The following RBFOX1 variants were observed in gnomAD, a reference collection of about 807,000 sequenced individuals.
RBFOX1 encodes the protein RNA binding fox-1 homolog 1.
In RBFOX1, 8 loss-of-function variants were observed where a neutral mutation model predicts 57.7. The ratio of observed to expected loss-of-function variants is 0.14; its 90% CI spans 0.08 to 0.25. RBFOX1 has a LOEUF of 0.25. RBFOX1 is among the 10% of genes least tolerant of loss of function. The pLI, the probability that RBFOX1 is intolerant of heterozygous loss-of-function variation, is 1.00. For synonymous variants in RBFOX1, 326 were observed against 222.4 expected (o/e 1.47, Z -4.15); for missense variants, 611 against 548.5 (o/e 1.11, Z -1.14).
At chr16:5,281,354 A>G (rs1423819079) in intron 1 of RBFOX1, among the ~76,000 whole-genome samples, 2 of 152,186 alleles carry the variant, frequency 1.3e-5, no homozygotes, top group African/African-American at 4.8e-5. Context: ...CATATGGTCT[A>G]TCCTGGAGAA....
At chr16:5,356,486 G>A (rs182294865) in intron 1 of RBFOX1, among the ~76,000 whole-genome samples, 1 of 152,164 alleles carries the variant, frequency 6.6e-6, no homozygotes, top group Non-Finnish European at 1.5e-5. Context: ...AGGACCATTG[G>A]TTGCTTGTGC....
intron 4 of RBFOX1, among the ~76,000 whole-genome samples, chr16:7,179,757 T>G (rs1179973375): frequency 6.6e-6 from 1 of 152,094 alleles, no homozygotes; most frequent in Non-Finnish European, 1.5e-5. Context: ...TTGTTTGAGA[T>G]GGAGTCTTGC....
intron 2 of RBFOX1, among the ~76,000 whole-genome samples, chr16:6,625,931 C>T (rs1172896900): frequency 6.6e-6 from 1 of 152,148 alleles, no homozygotes; most frequent in Non-Finnish European, 1.5e-5. Context: ...TTTACGTTAT[C>T]AGATAATACT....
At chr16:7,342,174 G>A (rs570822419) in intron 4 of RBFOX1, among the ~76,000 whole-genome samples, 1 of 152,152 alleles carries the variant, frequency 6.6e-6, no homozygotes, top group Admixed American at 6.5e-5. Flanking sequence ...GTTACTCTTG[G>A]TAAGTTGCTT....
At chr16:7,488,014 C>A (rs1017518506) in intron 4 of RBFOX1, among the ~76,000 whole-genome samples, 3 of 152,128 alleles carry the variant, frequency 2.0e-5, no homozygotes, top group Non-Finnish European at 4.4e-5. Flanking sequence ...AGAGGCCGGC[C>A]TTGTGAATGA....
intron 4 of RBFOX1, among the ~76,000 whole-genome samples, chr16:7,209,292 G>T (rs976726177): frequency 9.2e-5 from 14 of 152,076 alleles, no homozygotes; most frequent in African/African-American, 3.1e-4. Context: ...CTGATATCGT[G>T]CCATTGCATT....
chr16:6,685,273 CTTTTTT>C (rs202226687), intron 3 of RBFOX1, among the ~76,000 whole-genome samples: 19,675 of 111,582 alleles, frequency 0.18, 1,505 homozygotes, highest in Middle Eastern at 0.29. Context: ...GAGAGTTTTT[CTTTTTT>C]TTTTTTTTTT....
intron 1 of RBFOX1, among the ~76,000 whole-genome samples, chr16:6,244,974 C>G (rs80151367): frequency 6.6e-5 from 10 of 151,562 alleles, no homozygotes; most frequent in Non-Finnish European, 1.3e-4. Context: ...TTCTGGAGTC[C>G]TTAGTACCTC....
chr16:6,339,654 A>T (rs1289635868), intron 2 of RBFOX1, among the ~76,000 whole-genome samples: 1 of 25,854 alleles, frequency 3.9e-5, no homozygotes. Context: ...TTTATTTTTT[A>T]TTTTATTTTA....
chr16:7,309,444 C>G (rs2096263006), intron 4 of RBFOX1, among the ~76,000 whole-genome samples: 1 of 152,194 alleles, frequency 6.6e-6, no homozygotes. Context: ...AGCCTTGTGC[C>G]ATTCGCCTGC....
chr16:7,090,519 T>G (rs753461445), intron 4 of RBFOX1, among the ~76,000 whole-genome samples: 1 of 152,210 alleles, frequency 6.6e-6, no homozygotes, highest in African/African-American at 2.4e-5. Flanking sequence ...CCAGTCCAAT[T>G]AAATAGTTAC....
At chr16:6,076,759 C>G (rs2129255) in intron 1 of RBFOX1, among the ~76,000 whole-genome samples, 6,804 of 152,238 alleles carry the variant, frequency 0.045, 294 homozygotes, top group African/African-American at 0.1. Flanking sequence ...AAACTTGTTA[C>G]ATAGATGAAA....
chr16:5,902,125 C>A (rs1374958887), intron 4 of RBFOX1, among the ~76,000 whole-genome samples: 2 of 152,074 alleles, frequency 1.3e-5, no homozygotes, highest in African/African-American at 4.8e-5. Context: ...TGTCAATTAC[C>A]CATTATTGTT....
At chr16:6,085,650 T>TGTGTGTG (rs2096073052) in intron 1 of RBFOX1, among the ~76,000 whole-genome samples, 4 of 150,592 alleles carry the variant, frequency 2.7e-5, no homozygotes, top group African/African-American at 7.3e-5. Context: ...CAGTGTGTGT[T>TGTGTGTG]TGTGTGTGTG....
intron 1 of RBFOX1, among the ~76,000 whole-genome samples, chr16:6,077,906 C>T (rs1437384382): frequency 1.3e-5 from 2 of 151,994 alleles, no homozygotes; most frequent in African/African-American, 4.8e-5. Context: ...AAGGAGTAGA[C>T]ATTGGAAGGA....
Position 7,520,148 on chromosome 16 carries a change from G to C in RBFOX1, c.270+1759G>C, listed in dbSNP as rs138961178. On this transcript the variant is annotated intron_variant, in intron 5 of 15. Coordinates refer to ENST00000550418, the MANE Select transcript of RBFOX1 (RefSeq NM_018723.4). Reference sequence around the variant, plus strand: ...GATCTGCCTGTCTCGGCCTCCCAAAGTGCTGGGATTACAGGCGTGAGCCAC... The same window carrying C: ...GATCTGCCTGTCTCGGCCTCCCAAACTGCTGGGATTACAGGCGTGAGCCAC... 3.5e-4 allele frequency among the ~76,000 whole-genome samples: 53 copies of C among 152,274 alleles called. 1 individual carries two copies. Among genetic ancestry groups the C allele is most frequent in the East Asian group, 1.5e-3 (8 of 5,174 alleles).
chr16:7,520,876 C>T (rs1289443946), intron 5 of RBFOX1, among the ~76,000 whole-genome samples: 3 of 152,166 alleles, frequency 2.0e-5, no homozygotes, highest in South Asian at 2.1e-4. Flanking sequence ...GGAAATTTTA[C>T]GTATTCATTT....
chr16:6,599,783 C>A (rs557031088), intron 2 of RBFOX1, among the ~76,000 whole-genome samples: 13 of 152,292 alleles, frequency 8.5e-5, no homozygotes, highest in Non-Finnish European at 1.8e-4. Context: ...TTAATGCAAC[C>A]TTCAGTTCTG....
At chr16:5,812,554 G>A (rs2055472605) in intron 3 of RBFOX1, among the ~76,000 whole-genome samples, 1 of 151,270 alleles carries the variant, frequency 6.6e-6, no homozygotes, top group Non-Finnish European at 1.5e-5. Flanking sequence ...GAACTCCTGG[G>A]CTCAGGGGGA....
Sources: allele counts gnomAD v4.1 joint callset (sites outside exome capture counted in the v4.1 genomes callset), GRCh38; gene constraint gnomAD v4.1.1; transcripts MANE v1.5; gene names NCBI Gene and HGNC (gene_info 2026-07-23, HGNC 2026-07-21).